The following MYO18B variants were observed in gnomAD, a reference collection of about 807,000 sequenced individuals.
The protein encoded by MYO18B is unconventional myosin-XVIIIb.
In MYO18B, 204 loss-of-function variants were observed where a neutral mutation model predicts 273.0. That is an observed-to-expected ratio of 0.75 (90% CI 0.67 to 0.84). The LOEUF (loss-of-function observed/expected upper bound fraction) is 0.84. MYO18B is among the 40% of genes least tolerant of loss of function. The pLI is 0.00. For synonymous variants in MYO18B, 1,330 were observed against 1,305.7 expected (o/e 1.02, Z -0.40); for missense variants, 3,212 against 3,287.6 (o/e 0.98, Z 0.56).
At position 25,872,206 on chromosome 22, in the gene MYO18B, T is replaced by A. The variant is rs2091066379; in HGVS notation, c.3952-2080T>A. On this transcript the variant is annotated intron_variant, in intron 22 of 43. Coordinates refer to ENST00000335473, the MANE Select transcript of MYO18B (RefSeq NM_032608.7). ...TTTATTTTCCCATTGAGAAAAGGCA[T>A]AGTGCAGGATGGTCGGAGATGAGTG... Among the ~76,000 whole-genome samples the A allele has an allele frequency of 2.0e-5, 3 of 152,228 alleles. No individual in the cohort carries two copies. The South Asian group carries it at 6.2e-4, about 32-fold the overall frequency.
At chr22:25,845,879 A>G (rs1040220943) in intron 18 of MYO18B, among the ~76,000 whole-genome samples, 1 of 152,200 alleles carries the variant, frequency 6.6e-6, no homozygotes, top group Non-Finnish European at 1.5e-5. Flanking sequence ...AAGGTAGAAG[A>G]CGGGCATCAG....
At chr22:25,891,159 T>G in intron 26 of MYO18B, 145 bp from the exon 27 acceptor site, 1 of 716,758 alleles carries the variant, frequency 1.4e-6, no homozygotes, top group Non-Finnish European at 2.3e-6. Flanking sequence ...ATGCCGAAGG[T>G]GGCTAGCCCA....
At chr22:25,997,179 C>T (rs6004884) in intron 40 of MYO18B, among the ~76,000 whole-genome samples, 6,577 of 151,698 alleles carry the variant, frequency 0.043, 213 homozygotes, top group African/African-American at 0.087. Flanking sequence ...AAAAATTAGC[C>T]GGGCTTGGTG....
At chr22:25,817,584 C>G (rs1345228744) in intron 12 of MYO18B, among the ~76,000 whole-genome samples, 2 of 152,088 alleles carry the variant, frequency 1.3e-5, no homozygotes, top group African/African-American at 4.8e-5. Context: ...GGCAGTTTGC[C>G]TGGGGTCACC....
chr22:25,916,901 G>A (rs193008002), intron 33 of MYO18B, among the ~76,000 whole-genome samples: 22 of 152,136 alleles, frequency 1.4e-4, no homozygotes, highest in South Asian at 4.2e-4. Flanking sequence ...GTGTTGTGGC[G>A]GGCACCTGTA....
At chr22:25,772,689 C>A (rs1325704813) in intron 7 of MYO18B, among the ~76,000 whole-genome samples, 179 bp downstream of exon 7, 2 of 152,228 alleles carry the variant, frequency 1.3e-5, no homozygotes, top group African/African-American at 4.8e-5. Flanking sequence ...TTCCCCCATT[C>A]CCTGGAGGGA....
At chr22:25,923,614 T>C (rs750504680) in intron 34 of MYO18B, among the ~76,000 whole-genome samples, 1 of 152,198 alleles carries the variant, frequency 6.6e-6, no homozygotes, top group South Asian at 2.1e-4. Flanking sequence ...TGACTCACAT[T>C]GCGTCTTCCT....
intron 34 of MYO18B, among the ~76,000 whole-genome samples, chr22:25,936,321 A>G (rs1250225814): frequency 6.6e-6 from 1 of 152,210 alleles, no homozygotes; most frequent in Non-Finnish European, 1.5e-5. Context: ...GGATTCAAGC[A>G]GTCCTTAGAT....
At chr22:25,792,499 T>TTTTTTC (rs1569026149) in intron 11 of MYO18B, among the ~76,000 whole-genome samples, 20 of 124,596 alleles carry the variant, frequency 1.6e-4, no homozygotes, top group South Asian at 2.9e-4. Context: ...TTTCTTTTCT[T>TTTTTTC]TTTTTTTTTT....
chr22:25,829,279 A>G (rs1331076006), intron 15 of MYO18B, among the ~76,000 whole-genome samples: 2 of 152,200 alleles, frequency 1.3e-5, no homozygotes, highest in South Asian at 4.1e-4. Context: ...TCACTTAAGC[A>G]GAAGGCTCCT....
chr22:25,767,600 C>A (rs1444301765), intron 3 of MYO18B, among the ~76,000 whole-genome samples: 1 of 152,186 alleles, frequency 6.6e-6, no homozygotes, highest in Non-Finnish European at 1.5e-5. Flanking sequence ...AAGGTGAGAA[C>A]AGGTCCTCTA....
intron 42 of MYO18B, among the ~76,000 whole-genome samples, chr22:26,012,020 A>G (rs1934957041): frequency 6.6e-6 from 1 of 152,214 alleles, no homozygotes; most frequent in Non-Finnish European, 1.5e-5. Context: ...GTTTAAAAGG[A>G]AAGATCCAGA....
chr22:25,781,620 AAAAAAG>A, intron 9 of MYO18B, 108 bp from the exon 10 acceptor site: 1 of 483,342 alleles, frequency 2.1e-6, no homozygotes, highest in Middle Eastern at 5.9e-4. Context: ...AAAAAAAAAA[AAAAAAG>A]AGTGGATCAG....
intron 40 of MYO18B, among the ~76,000 whole-genome samples, 171 bp from the exon 41 acceptor site, chr22:26,003,094 T>C (rs948569716): frequency 1.5e-4 from 23 of 152,136 alleles, no homozygotes; most frequent in African/African-American, 5.5e-4. Flanking sequence ...ATTTGCCACA[T>C]TTTAGGAAGG....
chr22:25,798,739 T>A (rs944719700), intron 12 of MYO18B, among the ~76,000 whole-genome samples: 2 of 151,420 alleles, frequency 1.3e-5, no homozygotes, highest in African/African-American at 4.9e-5. Flanking sequence ...TATATTTTTT[T>A]ATTTTTTTGT....
intron 25 of MYO18B, among the ~76,000 whole-genome samples, chr22:25,881,170 G>A (rs1277504876): frequency 6.6e-6 from 1 of 152,214 alleles, no homozygotes; most frequent in African/African-American, 2.4e-5. Flanking sequence ...TTGAGAGGAG[G>A]CCATCTCTTT....
intron 43 of MYO18B, chr22:26,028,485 G>C (rs1936443685): frequency 6.6e-6 from 1 of 152,148 alleles, no homozygotes; most frequent in African/African-American, 2.4e-5. Context: ...CCTAGGTTCA[G>C]GGGGGAGGGA....
Position 25,969,995 on chromosome 22 carries a change from C to G in MYO18B, c.6156+14631C>G, listed in dbSNP as rs543351398. On this transcript the variant is annotated intron_variant, in intron 39 of 43. Transcript: ENST00000335473. ...ATCTTCTTCATCACCACCACCATCA[C>G]CACCAACACATCATCTTTTCCACCA... Among the ~76,000 whole-genome samples, 6 of 152,078 alleles carry G rather than the reference C, an allele frequency of 3.9e-5. No individual in the cohort carries two copies. In the East Asian group the frequency reaches 1.2e-3, roughly 29 times the overall value.
intron 42 of MYO18B, among the ~76,000 whole-genome samples, chr22:26,025,147 T>C (rs1936142466): frequency 6.6e-6 from 1 of 152,278 alleles, no homozygotes; most frequent in South Asian, 2.1e-4. Flanking sequence ...AGACAAACAT[T>C]GAATCTATTT....
Sources: allele counts gnomAD v4.1 joint callset (sites outside exome capture counted in the v4.1 genomes callset), GRCh38; gene constraint gnomAD v4.1.1; transcripts MANE v1.5; gene names NCBI Gene and HGNC (gene_info 2026-07-23, HGNC 2026-07-21).